Variants in ACCSL observed in about 807,000 individuals in gnomAD.
The protein encoded by ACCSL is probable inactive 1-aminocyclopropane-1-carboxylate synthase-like protein 2.
A neutral mutation model predicts 61.7 loss-of-function variants in ACCSL; 55 were observed. The observed-to-expected ratio is 0.89, with a 90% CI of 0.72 to 1.12. The LOEUF is 1.12. ACCSL is among the 50% of genes most tolerant of loss of function. The probability of loss-of-function intolerance (pLI) is 0.00; values close to 1 mark genes in which losing one functional copy is unlikely to be tolerated. For synonymous variants in ACCSL, 258 were observed against 264.3 expected (o/e 0.98, Z 0.23); for missense variants, 632 against 698.0 (o/e 0.91, Z 1.07).
At chr11:44,005,019 G>T in the ACCSL span, among the ~76,000 whole-genome samples, 1 of 152,120 alleles carries the variant, frequency 6.6e-6, no homozygotes, top group African/African-American at 2.4e-5. Context: ...TGGTGGTGAG[G>T]TTGGCCTTGT....
chr11:44,051,973 C>T (rs1952642501), intron 5 of ACCSL, among the ~76,000 whole-genome samples: 1 of 152,178 alleles, frequency 6.6e-6, no homozygotes, highest in Admixed American at 6.5e-5. Flanking sequence ...TGGGAGCCTA[C>T]CTACTATGTT....
upstream of ACCSL, among the ~76,000 whole-genome samples, chr11:44,046,925 G>A (rs989828958): frequency 2.0e-5 from 3 of 152,090 alleles, no homozygotes; most frequent in African/African-American, 7.2e-5. Flanking sequence ...TTTTCAAAAG[G>A]AAGGTTAATC....
At chr11:44,020,552 T>A in the ACCSL span, among the ~76,000 whole-genome samples, 1 of 152,138 alleles carries the variant, frequency 6.6e-6, no homozygotes, top group Non-Finnish European at 1.5e-5. Context: ...CTGTCAAATG[T>A]TTTTCCCGTG....
the ACCSL span, among the ~76,000 whole-genome samples, chr11:44,028,564 G>A: frequency 6.6e-6 from 1 of 152,188 alleles, no homozygotes; most frequent in Non-Finnish European, 1.5e-5. Context: ...GCTGCTCCAT[G>A]GGTCTGCCAG....
the ACCSL span, among the ~76,000 whole-genome samples, chr11:43,970,345 A>G: frequency 6.6e-6 from 1 of 152,106 alleles, no homozygotes; most frequent in Non-Finnish European, 1.5e-5. Flanking sequence ...AGCTGGGACT[A>G]CAGGTGCATG....
At chr11:43,927,043 C>T in the ACCSL span, among the ~76,000 whole-genome samples, 20 of 152,360 alleles carry the variant, frequency 1.3e-4, no homozygotes, top group East Asian at 9.6e-4. Context: ...CCACTGAGCC[C>T]GGCCAGCTTT....
At chr11:44,032,914 G>A in the ACCSL span, among the ~76,000 whole-genome samples, 1 of 152,210 alleles carries the variant, frequency 6.6e-6, no homozygotes, top group African/African-American at 2.4e-5. Flanking sequence ...TCCCCCGAGG[G>A]AGACGCGGGT....
At chr11:44,035,025 C>T in the ACCSL span, among the ~76,000 whole-genome samples, 45 of 152,234 alleles carry the variant, frequency 3.0e-4, no homozygotes, top group African/African-American at 1.0e-3. Context: ...TATCCCAGGG[C>T]CTTTGCACTT....
At chr11:43,949,800 G>A in the ACCSL span, among the ~76,000 whole-genome samples, 1 of 151,176 alleles carries the variant, frequency 6.6e-6, no homozygotes, top group East Asian at 2.0e-4. Flanking sequence ...GGGTGACAAA[G>A]CAAGACTCCA....
chr11:43,940,419 A>G, the ACCSL span, among the ~76,000 whole-genome samples: 3 of 150,706 alleles, frequency 2.0e-5, no homozygotes, highest in Non-Finnish European at 4.4e-5. Context: ...GCAGTGGCGC[A>G]ATCTCGGCTC....
the ACCSL span, among the ~76,000 whole-genome samples, chr11:43,923,255 C>T: frequency 6.6e-6 from 1 of 152,220 alleles, no homozygotes; most frequent in African/African-American, 2.4e-5. Flanking sequence ...TCCTGCCCTG[C>T]TGGGAATATT....
At chr11:44,005,336 T>C in the ACCSL span, among the ~76,000 whole-genome samples, 12 of 152,130 alleles carry the variant, frequency 7.9e-5, no homozygotes, top group African/African-American at 2.7e-4. Context: ...ACGTGCAGGC[T>C]TCTGTGAATA....
At chr11:43,931,435 T>C in the ACCSL span, among the ~76,000 whole-genome samples, 1 of 152,202 alleles carries the variant, frequency 6.6e-6, no homozygotes. Flanking sequence ...AGCTCCCTCT[T>C]CACCCTCTCC....
the ACCSL span, among the ~76,000 whole-genome samples, chr11:43,966,972 C>T: frequency 6.6e-6 from 1 of 151,756 alleles, no homozygotes; most frequent in Non-Finnish European, 1.5e-5. Flanking sequence ...TTTGCCTTTT[C>T]TTCCATATTT....
the ACCSL span, among the ~76,000 whole-genome samples, chr11:43,935,747 A>G: frequency 6.6e-6 from 1 of 151,956 alleles, no homozygotes; most frequent in Non-Finnish European, 1.5e-5. Context: ...CTAGCCTCAG[A>G]CTCCTGAGTA....
the ACCSL span, among the ~76,000 whole-genome samples, chr11:43,980,229 T>C: frequency 5.9e-5 from 9 of 152,228 alleles, no homozygotes; most frequent in African/African-American, 1.9e-4. Flanking sequence ...TTTGTGTTGT[T>C]GTAAATTTTC....
the ACCSL span, among the ~76,000 whole-genome samples, chr11:43,982,331 G>A: frequency 6.7e-6 from 1 of 148,156 alleles, no homozygotes; most frequent in Non-Finnish European, 1.5e-5. Context: ...AGGTTCTAGC[G>A]ATTCTCGTGC....
chr11:43,944,122 C>T, the ACCSL span: 1 of 330,584 alleles, frequency 3.0e-6, no homozygotes, highest in South Asian at 2.5e-5. Context: ...TCCCCATCGC[C>T]GGCATCCGGG....
the ACCSL span, among the ~76,000 whole-genome samples, chr11:44,030,558 AGG>A: frequency 0.17 from 25,617 of 151,904 alleles, 2,702 homozygotes; most frequent in East Asian, 0.28. Flanking sequence ...GAAAGAATCC[AGG>A]GGATTTTTTT....
Sources: allele counts gnomAD v4.1 joint callset (sites outside exome capture counted in the v4.1 genomes callset), GRCh38; gene constraint gnomAD v4.1.1; transcripts MANE v1.5; gene names NCBI Gene and HGNC (gene_info 2026-07-23, HGNC 2026-07-21).